Variants in PRKG1 observed in about 807,000 individuals in gnomAD.
PRKG1 encodes the protein protein kinase cGMP-dependent 1.
A neutral mutation model predicts 88.1 loss-of-function variants in PRKG1; 35 were observed. That is an observed-to-expected ratio of 0.40 (90% CI 0.30 to 0.53). The LOEUF (loss-of-function observed/expected upper bound fraction) is 0.53, where lower values mean the gene tolerates loss of function less well. Ranked by LOEUF, PRKG1 falls within the 20% of genes least tolerant of loss-of-function variation. The pLI, the probability that PRKG1 is intolerant of heterozygous loss-of-function variation, is 0.59. For missense variants in PRKG1, 540 were observed against 839.8 expected, an observed-to-expected ratio of 0.64 and a Z score of 4.41; for synonymous variants, 303 against 292.5, an observed-to-expected ratio of 1.04 and a Z score of -0.37.
At chr10:51,082,067 C>CT (rs148382124) in intron 1 of PRKG1, among the ~76,000 whole-genome samples, 21 of 152,010 alleles carry the variant, frequency 1.4e-4, no homozygotes, top group African/African-American at 4.6e-4. Context: ...ACCTGATCAT[C>CT]TTTTTTTTAG....
chr10:51,697,340 T>G (rs563529892), intron 3 of PRKG1: 2 of 201,446 alleles, frequency 9.9e-6, no homozygotes, highest in African/African-American at 4.7e-5. Flanking sequence ...AGGTCAACTT[T>G]TAGTCTTTAT....
At chr10:52,012,911 T>C (rs867455066) in intron 5 of PRKG1, among the ~76,000 whole-genome samples, 11 of 152,370 alleles carry the variant, frequency 7.2e-5, no homozygotes, top group African/African-American at 2.6e-4. Flanking sequence ...GTAATTATTA[T>C]ACTAGTATTA....
chr10:51,302,039 C>A (rs993662815), intron 2 of PRKG1, among the ~76,000 whole-genome samples: 21 of 152,194 alleles, frequency 1.4e-4, no homozygotes, highest in African/African-American at 5.1e-4. Flanking sequence ...ACTCAGAGTG[C>A]TGATCAAATG....
chr10:52,084,563 T>A (rs558369225), intron 7 of PRKG1, among the ~76,000 whole-genome samples: 7 of 152,206 alleles, frequency 4.6e-5, no homozygotes, highest in Non-Finnish European at 7.4e-5. Flanking sequence ...AATATATTGA[T>A]ATAAACATGT....
intron 7 of PRKG1, among the ~76,000 whole-genome samples, chr10:52,114,391 G>T (rs1159144077): frequency 6.6e-6 from 1 of 151,960 alleles, no homozygotes; most frequent in African/African-American, 2.4e-5. Flanking sequence ...GAGACAGATA[G>T]TAGGTATTCT....
chr10:51,424,959 T>C (rs1184421567), intron 2 of PRKG1, among the ~76,000 whole-genome samples: 1 of 152,146 alleles, frequency 6.6e-6, no homozygotes, highest in African/African-American at 2.4e-5. Context: ...TTCTTTAATA[T>C]TCTACTTACA....
At chr10:51,964,292 G>T (rs1349389427) in intron 5 of PRKG1, among the ~76,000 whole-genome samples, 3 of 152,108 alleles carry the variant, frequency 2.0e-5, no homozygotes, top group African/African-American at 7.2e-5. Flanking sequence ...TAGGTTCTGA[G>T]GATTAGGATG....
intron 1 of PRKG1, among the ~76,000 whole-genome samples, chr10:51,045,899 T>C (rs1215883134): frequency 6.6e-6 from 1 of 152,216 alleles, no homozygotes; most frequent in Non-Finnish European, 1.5e-5. Context: ...AAATTGATAG[T>C]TTACTTTTTC....
chr10:52,253,624 T>C (rs1841235817), intron 10 of PRKG1, among the ~76,000 whole-genome samples: 4 of 151,688 alleles, frequency 2.6e-5, no homozygotes, highest in South Asian at 2.1e-4. Flanking sequence ...ATATATCATA[T>C]ATATACATAT....
intron 3 of PRKG1, among the ~76,000 whole-genome samples, chr10:51,762,004 A>G (rs557195948): frequency 6.6e-6 from 1 of 152,282 alleles, no homozygotes; most frequent in South Asian, 2.1e-4. Context: ...CCCAAATAGT[A>G]TTAAACTTTG....
intron 2 of PRKG1, among the ~76,000 whole-genome samples, chr10:51,177,454 A>G (rs1837224817): frequency 6.6e-6 from 1 of 152,216 alleles, no homozygotes; most frequent in Admixed American, 6.5e-5. Flanking sequence ...GACTAAGGGT[A>G]GTAAACAGTG....
chr10:51,789,959 T>A (rs566226200), intron 3 of PRKG1, among the ~76,000 whole-genome samples: 2 of 152,090 alleles, frequency 1.3e-5, no homozygotes, highest in African/African-American at 4.8e-5. Context: ...GTAGATGGGA[T>A]TACAGGCACC....
At chr10:51,428,144 A>G (rs1223871545) in intron 2 of PRKG1, among the ~76,000 whole-genome samples, 2 of 152,188 alleles carry the variant, frequency 1.3e-5, no homozygotes, top group East Asian at 1.9e-4. Flanking sequence ...TAGAACTTCT[A>G]TCGCATCTGA....
chr10:51,914,757 T>C (rs752119440), intron 5 of PRKG1, among the ~76,000 whole-genome samples: 1 of 152,204 alleles, frequency 6.6e-6, no homozygotes, highest in African/African-American at 2.4e-5. Flanking sequence ...TCCTAACTTA[T>C]GAGTTGTTCT....
chr10:51,578,379 T>C (rs1240840379), intron 3 of PRKG1, among the ~76,000 whole-genome samples: 1 of 152,158 alleles, frequency 6.6e-6, no homozygotes, highest in East Asian at 1.9e-4. Context: ...AGATAATCAT[T>C]TTTCCTTGTC....
intron 2 of PRKG1, among the ~76,000 whole-genome samples, chr10:51,233,283 C>A (rs1181034932): frequency 6.6e-6 from 1 of 152,144 alleles, no homozygotes; most frequent in Non-Finnish European, 1.5e-5. Context: ...TGAGTGAATT[C>A]TATTCCTGTA....
intron 2 of PRKG1, among the ~76,000 whole-genome samples, chr10:51,378,736 T>G (rs1842863489): frequency 6.6e-6 from 1 of 152,154 alleles, no homozygotes; most frequent in Admixed American, 6.5e-5. Flanking sequence ...CAGGGTGATT[T>G]ATTTAAATTC....
At chr10:51,877,773 A>G (rs985569599) in intron 4 of PRKG1, among the ~76,000 whole-genome samples, 1 of 152,226 alleles carries the variant, frequency 6.6e-6, no homozygotes, top group African/African-American at 2.4e-5. Context: ...TCCTCAGGTT[A>G]TACTCAACTA....
intron 3 of PRKG1, among the ~76,000 whole-genome samples, chr10:51,502,870 A>T (rs543769294): frequency 4.6e-5 from 7 of 152,162 alleles, no homozygotes; most frequent in Non-Finnish European, 8.8e-5. Context: ...TGATTATCAG[A>T]TCCTGATGCT....
Sources: gnomAD v4.1 joint callset for allele counts (sites outside exome capture counted in the v4.1 genomes callset) on GRCh38, gnomAD v4.1.1 for gene constraint, MANE v1.5 for transcripts, NCBI Gene and HGNC (gene_info 2026-07-23, HGNC 2026-07-21) for gene names.